ITGB2: variants seen among roughly 807,000 people sequenced by gnomAD.
The protein encoded by ITGB2 is integrin beta-2.
A neutral mutation model predicts 86.8 loss-of-function variants in ITGB2; 56 were observed. That is an observed-to-expected ratio of 0.65 (90% confidence interval 0.52 to 0.81). The LOEUF is 0.81. ITGB2 is among the 30% of genes least tolerant of loss of function. The probability of loss-of-function intolerance (pLI) is 0.00; values close to 1 mark genes in which losing one functional copy is unlikely to be tolerated. For missense variants in ITGB2, 948 were observed against 1,061.2 expected (o/e 0.89, Z 1.48); for synonymous variants, 457 against 450.4 (o/e 1.01, Z -0.19).
Position 44,886,394 on chromosome 21 carries a change from T to C in ITGB2, c.2284A>G (p.Met762Val). The C allele has an allele frequency of 6.2e-7, 1 of 1,614,188 alleles. No homozygotes were observed. Among genetic ancestry groups the C allele is most frequent in the Non-Finnish European group, 8.5e-7 (1 of 1,180,000 alleles). ...PLFKSATTTV[M>V]NPKFAES ...TAACTCTCAGCAAACTTGGGGTTCA[T>C]GACCGTCGTGGTGGCGCTCTTGAAA... Residue 762 changes from methionine to valine, a missense_variant, in exon 16 of 16, where the codon ATG becomes GTG. Transcript: ENST00000652462.
chr21:44,918,998 T>TCCCCTCTCCCAGCACTCAGAGCTGAGCG (rs1555861633), intron 1 of ITGB2, among the ~76,000 whole-genome samples: 1 of 57,754 alleles, frequency 1.7e-5, no homozygotes, highest in Admixed American at 1.6e-4. Flanking sequence ...GAGCTGAGCA[T>TCCCCTCTCCCAGCACTCAGAGCTGAGCG]TCCCCTCTCC....
Position 44,889,313 on chromosome 21 carries a change from C to T in ITGB2, c.1840G>A (p.Glu614Lys). 6.2e-7 allele frequency: 1 copy of T among 1,612,904 alleles called. No individual in the cohort carries two copies. Among genetic ancestry groups the T allele is most frequent in the Non-Finnish European group, 8.5e-7 (1 of 1,179,862 alleles). ...CAGGGTGAGGGGCAGCCGGGGCACTCCTGGCACAGAGGCAGCTGGTAGCCT... is the reference window on the plus strand; with the variant it reads ...CAGGGTGAGGGGCAGCCGGGGCACTTCTGGCACAGAGGCAGCTGGTAGCCT... ...HSGYQLPLCQ[E>K]CPGCPSPCGK... Residue 614 changes from glutamate (E) to lysine (K), a missense_variant, in exon 13 of 16, where the codon GAG (glutamate) becomes AAG (lysine). Physicochemically the swap from Glu to Lys is moderately conservative, Grantham distance 56. Transcript: ENST00000652462.
chr21:44,913,124 C>T (rs1176461023), intron 1 of ITGB2, among the ~76,000 whole-genome samples: 3 of 145,770 alleles, frequency 2.1e-5, no homozygotes, highest in African/African-American at 7.7e-5. Context: ...CAGCCGGCTT[C>T]AGGACTCCCC....
At chr21:44,897,046 G>A (rs912537111) in intron 8 of ITGB2, among the ~76,000 whole-genome samples, 1 of 152,108 alleles carries the variant, frequency 6.6e-6, no homozygotes, top group African/African-American at 2.4e-5. Context: ...CCTGCCCTGC[G>A]CTGACCCACT....
chr21:44,903,932 C>T (rs541328275), intron 4 of ITGB2, among the ~76,000 whole-genome samples: 3 of 152,272 alleles, frequency 2.0e-5, no homozygotes, highest in East Asian at 3.9e-4. Flanking sequence ...AGGCATCACA[C>T]GAACCTGGCA....
At chr21:44,895,812 A>G (rs1162757169) in intron 8 of ITGB2, among the ~76,000 whole-genome samples, 1 of 151,414 alleles carries the variant, frequency 6.6e-6, no homozygotes, top group Non-Finnish European at 1.5e-5. Flanking sequence ...AGCCTGGGCA[A>G]CAAGAGCAAA....
At chr21:44,914,835 A>G (rs1484557093) in intron 1 of ITGB2, among the ~76,000 whole-genome samples, 1 of 152,136 alleles carries the variant, frequency 6.6e-6, no homozygotes, top group African/African-American at 2.4e-5. Flanking sequence ...CAGGAGGCTG[A>G]GGCAGGAGGA....
At chr21:44,919,652 C>G (rs2084268903) in intron 1 of ITGB2, among the ~76,000 whole-genome samples, 2 of 152,180 alleles carry the variant, frequency 1.3e-5, no homozygotes, top group Non-Finnish European at 2.9e-5. Context: ...CAGCGAGTGT[C>G]CCCTATGCCC....
intron 14 of ITGB2, among the ~76,000 whole-genome samples, chr21:44,888,379 G>A (rs760976726): frequency 1.2e-4 from 19 of 152,274 alleles, no homozygotes; most frequent in Non-Finnish European, 2.2e-4. Flanking sequence ...CATCCAGCGG[G>A]AGATGGCCCG....
chr21:44,917,775 C>G (rs952957502), intron 1 of ITGB2, among the ~76,000 whole-genome samples: 3 of 152,206 alleles, frequency 2.0e-5, no homozygotes, highest in African/African-American at 7.2e-5. Context: ...CCACCACTCC[C>G]AACACCAACA....
intron 5 of ITGB2, among the ~76,000 whole-genome samples, chr21:44,902,353 G>T (rs1409721238): frequency 6.6e-6 from 1 of 152,240 alleles, no homozygotes; most frequent in East Asian, 1.9e-4. Flanking sequence ...ATGTGTGTGA[G>T]CATGCATTTG....
chr21:44,895,082 C>T (rs748261685), intron 8 of ITGB2, 22 bp from the exon 9 acceptor site: 46 of 1,572,218 alleles, frequency 2.9e-5, no homozygotes, highest in Non-Finnish European at 3.8e-5. Flanking sequence ...GAAGACCAGA[C>T]ATGGCACGGC....
Position 44,920,811 on chromosome 21 carries a change from G to A in ITGB2, c.-4+10C>T. Reference sequence around the variant, plus strand: ...TCACCGTGGACATAGCGGGGCCTCTGCACACTCACCCTCGGTGTGCTGGAG... The same window carrying A: ...TCACCGTGGACATAGCGGGGCCTCTACACACTCACCCTCGGTGTGCTGGAG... On this transcript the variant is annotated intron_variant, in intron 1 of 15. Transcript: ENST00000652462. 1 of 152,672 alleles carries A rather than the reference G, an allele frequency of 6.5e-6. No individual in the cohort carries two copies. Among genetic ancestry groups the A allele is most frequent in the Non-Finnish European group, 1.5e-5 (1 of 68,290 alleles). The allele number at this position is 152,672 out of a possible 1,614,324, so 9.5% of individuals were successfully genotyped here.
At position 44,891,834 on chromosome 21, in the gene ITGB2, C is replaced by T; in HGVS notation, c.1387G>A (p.Gly463Ser). ...SRDRSLCHGK[G>S]FLECGICRCD... ...CTGCAGATGCCGCACTCCAAGAAGC[C>T]CTTGCCATGGCAGAGGCTGCGGTCT... The change falls in exon 11 of 16, where the codon GGC (glycine) becomes AGC (serine). Residue 463 changes from glycine to serine, a missense_variant. Gly to Ser is a moderately conservative substitution (Grantham distance 56, BLOSUM62 0). Coordinates refer to ENST00000652462, the MANE Select transcript of ITGB2 (RefSeq NM_000211.5). 2 of 1,609,026 alleles carry T rather than the reference C, an allele frequency of 1.2e-6. No individual in the cohort carries two copies. Among genetic ancestry groups the T allele is most frequent in the Non-Finnish European group, 1.7e-6 (2 of 1,179,984 alleles).
At chr21:44,918,672 T>C (rs2084247048) in intron 1 of ITGB2, among the ~76,000 whole-genome samples, 2 of 152,326 alleles carry the variant, frequency 1.3e-5, no homozygotes, top group African/African-American at 4.8e-5. Flanking sequence ...TGGGGGCCTC[T>C]TCCCCAGGGA....
At chr21:44,901,348 G>A in intron 6 of ITGB2, 144 bp downstream of exon 6, 2 of 1,012,884 alleles carry the variant, frequency 2.0e-6, no homozygotes, top group Non-Finnish European at 2.9e-6. Context: ...GCAGCAGCAG[G>A]GTGAGGAGCT....
chr21:44,916,724 T>C (rs973868456), intron 1 of ITGB2, among the ~76,000 whole-genome samples: 1 of 151,348 alleles, frequency 6.6e-6, no homozygotes, highest in Admixed American at 6.6e-5. Flanking sequence ...ATAAATTAGC[T>C]GGGCTTGGTG....
intron 8 of ITGB2, 67 bp downstream of exon 8, chr21:44,899,000 G>T (rs568521522): frequency 5.5e-6 from 7 of 1,267,862 alleles, no homozygotes; most frequent in Non-Finnish European, 6.9e-6. Context: ...CTGCAGTGGC[G>T]CTGGGTCTGG....
chr21:44,914,761 A>C (rs1245979677), intron 1 of ITGB2, among the ~76,000 whole-genome samples: 1 of 152,140 alleles, frequency 6.6e-6, no homozygotes, highest in Non-Finnish European at 1.5e-5. Flanking sequence ...CTACCTCTAC[A>C]AAAAATAAAA....
Sources: gnomAD v4.1 joint callset for allele counts (sites outside exome capture counted in the v4.1 genomes callset) on GRCh38, gnomAD v4.1.1 for gene constraint, MANE v1.5 for transcripts, NCBI Gene and HGNC (gene_info 2026-07-23, HGNC 2026-07-21) for gene names.